The following DNAH17 variants were observed in gnomAD, a reference collection of about 807,000 sequenced individuals.
DNAH17 encodes the protein axonemal beta dynein heavy chain 17.
DNAH17 carries 376 observed loss-of-function variants against 485.6 expected under a neutral mutation model. The ratio of observed to expected loss-of-function variants is 0.77; its 90% CI spans 0.71 to 0.84. The LOEUF (loss-of-function observed/expected upper bound fraction) is 0.84. Ranked by LOEUF, DNAH17 falls within the 40% of genes least tolerant of loss-of-function variation. The pLI is 0.00. For synonymous variants in DNAH17, 3,031 were observed against 2,405.9 expected (o/e 1.26, Z -7.60); for missense variants, 6,370 against 5,839.3 (o/e 1.09, Z -2.96).
chr17:78,469,009 GC>G (rs1450266427), intron 54 of DNAH17, 126 bp from the exon 55 acceptor site: 1 of 1,236,536 alleles, frequency 8.1e-7, no homozygotes, highest in African/African-American at 1.5e-5. Flanking sequence ...TGTCGCCCAG[GC>G]TGGAGTGCAA....
chr17:78,533,271 A>G (rs1218207100), intron 19 of DNAH17, among the ~76,000 whole-genome samples: 1 of 152,224 alleles, frequency 6.6e-6, no homozygotes, highest in Non-Finnish European at 1.5e-5. Flanking sequence ...TCTGACATTC[A>G]TCAAAGAATC....
chr17:78,523,416 G>C (rs144481995), intron 25 of DNAH17, among the ~76,000 whole-genome samples: 2 of 152,008 alleles, frequency 1.3e-5, no homozygotes, highest in Admixed American at 6.5e-5. Flanking sequence ...GAGCCACCCC[G>C]CCTGGCCTCC....
chr17:78,527,440 T>C (rs1405112955), intron 22 of DNAH17, among the ~76,000 whole-genome samples: 1 of 152,156 alleles, frequency 6.6e-6, no homozygotes, highest in East Asian at 1.9e-4. Context: ...ACATTGACAT[T>C]GGTGTCTCTG....
At chr17:78,568,902 A>T (rs1047819636) in intron 9 of DNAH17, among the ~76,000 whole-genome samples, 1 of 152,180 alleles carries the variant, frequency 6.6e-6, no homozygotes, top group Non-Finnish European at 1.5e-5. Flanking sequence ...TGGGGGTTTA[A>T]CTTATCAGTA....
chr17:78,572,566 C>T, intron 3 of DNAH17, 135 bp downstream of exon 3: 1 of 853,312 alleles, frequency 1.2e-6, no homozygotes, highest in South Asian at 1.8e-5. Context: ...CCCTGCATTT[C>T]CCCGGCTTTA....
At chr17:78,470,602 T>C (rs1017048846) in intron 54 of DNAH17, among the ~76,000 whole-genome samples, 3 of 152,028 alleles carry the variant, frequency 2.0e-5, no homozygotes, top group African/African-American at 7.2e-5. Flanking sequence ...GGCAGGAGAA[T>C]TGCTTGAACC....
chr17:78,524,319 G>A (rs1438393156), intron 25 of DNAH17, among the ~76,000 whole-genome samples: 4 of 152,054 alleles, frequency 2.6e-5, no homozygotes, highest in Admixed American at 6.6e-5. Flanking sequence ...CGTATTTTTC[G>A]TAGAGACGGG....
chr17:78,567,837 G>A lies in DNAH17; in HGVS notation c.1285-671C>T, dbSNP rs897552128. Among the ~76,000 whole-genome samples the A allele has an allele frequency of 4.6e-5, 7 of 152,172 alleles. No homozygotes were observed. The East Asian group carries it at 1.3e-3, about 29-fold the overall frequency. ...CCCATCCCGTTAGCTGGTTGTGTGT[G>A]TGCAGTTCCTGTTTCCCAAATGAGG... On this transcript the variant is annotated intron_variant, in intron 9 of 80. Coordinates refer to ENST00000389840, the MANE Select transcript of DNAH17 (RefSeq NM_173628.4).
chr17:78,457,963 T>C, intron 62 of DNAH17, among the ~76,000 whole-genome samples: 1 of 149,078 alleles, frequency 6.7e-6, no homozygotes, highest in Non-Finnish European at 1.5e-5. Flanking sequence ...GCCCAGCTAG[T>C]CTGGCTAATT....
In DNAH17 at chr17:78,570,856, CAAAAAAAAAAAA is replaced by C. The variant is rs60897530; in HGVS notation, c.918+80_918+91del. 82 of 292,142 alleles carry C rather than the reference CAAAAAAAAAAAA, an allele frequency of 2.8e-4. No homozygotes were observed. The African/African-American group carries it at 5.2e-3, about 18-fold the overall frequency. The allele number at this position is 292,142 out of a possible 1,614,324, so 18.1% of individuals were successfully genotyped here. On this transcript the variant is annotated intron_variant, in intron 6 of 80. Transcript: ENST00000389840. ...CTGGTGACAGAGCGAGACTCCCTCTCAAAAAAAAAAAAAAAAAAAAAAGAAAAAAGAAAAGAA... is the reference window on the plus strand; with the variant it reads ...CTGGTGACAGAGCGAGACTCCCTCTCAAAAAAAAAAGAAAAAAGAAAAGAA...
chr17:78,542,798 T>C (rs981053870), intron 17 of DNAH17, among the ~76,000 whole-genome samples: 1 of 152,190 alleles, frequency 6.6e-6, no homozygotes, highest in Non-Finnish European at 1.5e-5. Flanking sequence ...CATATGCAGG[T>C]AGTGATACAC....
intron 75 of DNAH17, 98 bp downstream of exon 75, chr17:78,433,931 G>A (rs1026805889): frequency 1.2e-6 from 1 of 863,068 alleles, no homozygotes; most frequent in Non-Finnish European, 1.7e-6. Flanking sequence ...GAAGGAAGGA[G>A]GGAGGGAAGG....
chr17:78,525,555 C>T (rs17729319), intron 24 of DNAH17, among the ~76,000 whole-genome samples: 20,006 of 152,262 alleles, frequency 0.13, 1,728 homozygotes, highest in Middle Eastern at 0.22. Flanking sequence ...AGGAAAAATC[C>T]GTAGTGTCCT....
In DNAH17 at chr17:78,558,196, G is replaced by A; in HGVS notation, c.2090C>T (p.Pro697Leu). ...TGAGAACAGACTCTCCGCACTGTCT[G>A]GAATCTCTTTCTGTTGCTGGAAATT... is the stretch of plus-strand genomic sequence containing the variant. ...YLNFQQQKEI[P>L]DSAESLFSEN... is the part of the protein sequence containing the mutation. Residue 697 changes from proline to leucine, a missense_variant, in exon 14 of 81, where the codon CCA becomes CTA. Pro to Leu is a moderately conservative substitution (Grantham distance 98). Coordinates refer to ENST00000389840, the MANE Select transcript of DNAH17 (RefSeq NM_173628.4). 1 of 1,613,792 alleles carries A rather than the reference G, an allele frequency of 6.2e-7. No homozygotes were observed. Among genetic ancestry groups the A allele is most frequent in the Non-Finnish European group, 8.5e-7 (1 of 1,179,822 alleles).
chr17:78,505,535 C>T (rs774538837), intron 30 of DNAH17, 90 bp from the exon 31 acceptor site: 103 of 1,549,180 alleles, frequency 6.6e-5, no homozygotes, highest in Non-Finnish European at 8.4e-5. Context: ...TTTTAGGCAT[C>T]GTTCTTTTTG....
At position 78,492,719 on chromosome 17, in the gene DNAH17, G is replaced by A. The variant is rs751432691; in HGVS notation, c.6455C>T (p.Pro2152Leu). 30 of 1,612,786 alleles carry A rather than the reference G, an allele frequency of 1.9e-5. No individual in the cohort carries two copies. The highest frequency in any genetic ancestry group is 5.0e-5 in the Admixed American group (3 of 59,880). Residue 2152 changes from proline to leucine, a missense_variant, in exon 42 of 81, where the codon CCG becomes CTG. By Grantham distance (98) the Pro-to-Leu change is moderately conservative. Coordinates refer to ENST00000389840, the MANE Select transcript of DNAH17 (RefSeq NM_173628.4). ...CTTGGGGTCCAGGTCCACGGCGACC[G>A]GCTTCCTCTTCAGGTTCTGATAGGT... is the stretch of plus-strand genomic sequence containing the variant. ...NKTYQNLKRK[P>L]VAVDLDPKAV...
At chr17:78,451,149 C>A (rs983585811) in intron 66 of DNAH17, among the ~76,000 whole-genome samples, 2 of 152,262 alleles carry the variant, frequency 1.3e-5, no homozygotes, top group Admixed American at 6.5e-5. Flanking sequence ...GGTGCAAGGG[C>A]TGGCAGCCAG....
rs1449497764 is a variant in DNAH17, at chr17:78,490,836, C to G, written c.6681G>C (p.Leu2227=). ...TCAGGGGGATCCGCTCGTTGCTGGC[C>G]AGGGTGAGGACCTAGGAGGGGGACA... ...TVMDDNKVLT[L]ASNERIPLNR... Residue 2227 remains leucine (L), a synonymous_variant, in exon 44 of 81, where the codon CTG becomes CTC. Transcript: ENST00000389840. The G allele has an allele frequency of 1.9e-6, 3 of 1,600,118 alleles. No homozygotes were observed. Among genetic ancestry groups the G allele is most frequent in the South Asian group, 1.1e-5 (1 of 88,570 alleles).
chr17:78,472,283 G>A (rs944371190), intron 54 of DNAH17, among the ~76,000 whole-genome samples: 2 of 144,630 alleles, frequency 1.4e-5, no homozygotes, highest in Non-Finnish European at 3.0e-5. Flanking sequence ...GGGGTGCGAG[G>A]GTTAGGGTTA....
Sources: gnomAD v4.1 joint callset for allele counts (sites outside exome capture counted in the v4.1 genomes callset) on GRCh38, gnomAD v4.1.1 for gene constraint, MANE v1.5 for transcripts, NCBI Gene and HGNC (gene_info 2026-07-23, HGNC 2026-07-21) for gene names.